Variants in ZZZ3 observed in about 807,000 individuals in gnomAD.
The protein encoded by ZZZ3 is zinc finger ZZ-type containing 3.
In ZZZ3, 22 loss-of-function variants were observed where a neutral mutation model predicts 95.2. The observed-to-expected ratio is 0.23, with a 90% CI of 0.17 to 0.33. The LOEUF (loss-of-function observed/expected upper bound fraction) is 0.33. ZZZ3 is among the 10% of genes least tolerant of loss of function. The probability of loss-of-function intolerance (pLI) is 1.00; values close to 1 mark genes in which losing one functional copy is unlikely to be tolerated. For missense variants in ZZZ3, 885 were observed against 1,066.5 expected, an observed-to-expected ratio of 0.83 and a Z score of 2.37; for synonymous variants, 335 against 358.9, an observed-to-expected ratio of 0.93 and a Z score of 0.75.
intron 6 of ZZZ3, among the ~76,000 whole-genome samples, chr1:77,583,524 T>C (rs2100568484): frequency 6.6e-6 from 1 of 152,270 alleles, no homozygotes; most frequent in African/African-American, 2.4e-5. Context: ...CGATATTCAA[T>C]GTTTTCTAAA....
chr1:77,674,769 T>C (rs1672104891), intron 1 of ZZZ3, among the ~76,000 whole-genome samples: 1 of 151,860 alleles, frequency 6.6e-6, no homozygotes, highest in Admixed American at 6.6e-5. Context: ...CTCCCCAACA[T>C]GGCAAAACCC....
rs186974372 is a variant in ZZZ3, at chr1:77,662,091, G to A, written c.-402-20436C>T. 3.1e-3 allele frequency among the ~76,000 whole-genome samples: 465 copies of A among 151,524 alleles called. 5 individuals are homozygous for A. Among genetic ancestry groups the A allele is most frequent in the African/African-American group, 0.011 (447 of 41,222 alleles). On this transcript the variant is annotated intron_variant, in intron 1 of 14. Transcript: ENST00000370801. ...TACAGTGGCGTGATCTAGGCTCACTGCAACCTCTGCCTCCCAGGTTCAAGC... is the reference window on the plus strand; with the variant it reads ...TACAGTGGCGTGATCTAGGCTCACTACAACCTCTGCCTCCCAGGTTCAAGC...
intron 5 of ZZZ3, among the ~76,000 whole-genome samples, chr1:77,591,756 C>T (rs1454660731): frequency 6.6e-6 from 1 of 152,042 alleles, no homozygotes; most frequent in Non-Finnish European, 1.5e-5. Context: ...GTATAAAGAT[C>T]AACTCTGTAT....
At chr1:77,623,616 C>T (rs1667078245) in intron 5 of ZZZ3, among the ~76,000 whole-genome samples, 2 of 152,022 alleles carry the variant, frequency 1.3e-5, no homozygotes, top group African/African-American at 2.4e-5. Flanking sequence ...AAGTTTATCC[C>T]CAAATTAACT....
At chr1:77,578,926 GT>G in intron 10 of ZZZ3, 57 bp from the exon 11 acceptor site, 2 of 1,133,690 alleles carry the variant, frequency 1.8e-6, no homozygotes, top group Non-Finnish European at 2.4e-6. Flanking sequence ...TACCTGAGTC[GT>G]TTTTAAAAAT....
intron 5 of ZZZ3, among the ~76,000 whole-genome samples, chr1:77,599,500 T>C (rs1003153292): frequency 6.6e-6 from 1 of 152,064 alleles, no homozygotes; most frequent in African/African-American, 2.4e-5. Context: ...CATACAATTC[T>C]TTTCATAATA....
chr1:77,663,987 T>G (rs1671044095), intron 1 of ZZZ3, among the ~76,000 whole-genome samples: 1 of 151,702 alleles, frequency 6.6e-6, no homozygotes, highest in African/African-American at 2.4e-5. Flanking sequence ...TGACCTCAGG[T>G]GATCCGCCCG....
chr1:77,639,491 T>C lies in ZZZ3; in HGVS notation c.-94A>G. ...TATCATTGTGGAAATATAATCTCTT[T>C]TCCTTATATCCTGAAGGAGTTGGAG... On this transcript the variant is annotated 5_prime_UTR_variant, in exon 4 of 15. Transcript: ENST00000370801. The C allele has an allele frequency of 2.7e-6, 4 of 1,507,404 alleles. No individual in the cohort carries two copies. Among genetic ancestry groups the C allele is most frequent in the South Asian group, 1.3e-5 (1 of 74,824 alleles). 93.4% of individuals were successfully genotyped at this position (1,507,404 alleles called of 1,614,324 possible).
intron 5 of ZZZ3, among the ~76,000 whole-genome samples, chr1:77,589,839 G>T (rs1402922414): frequency 1.3e-5 from 2 of 152,136 alleles, no homozygotes; most frequent in African/African-American, 4.8e-5. Flanking sequence ...AGGAAGGCGT[G>T]CAGGAGGGAG....
At chr1:77,618,233 C>CTTTTTTT (rs10597366) in intron 5 of ZZZ3, among the ~76,000 whole-genome samples, 4 of 81,070 alleles carry the variant, frequency 4.9e-5, no homozygotes, top group African/African-American at 2.0e-4. Flanking sequence ...CCAATGCAGC[C>CTTTTTTT]TTTTTTTTTT....
intron 5 of ZZZ3, among the ~76,000 whole-genome samples, chr1:77,628,486 A>C (rs535147165): frequency 6.6e-6 from 1 of 152,338 alleles, no homozygotes; most frequent in East Asian, 1.9e-4. Context: ...GAGAGGCATC[A>C]AGCTAGTACC....
At chr1:77,676,268 G>A (rs1173258108) in intron 1 of ZZZ3, among the ~76,000 whole-genome samples, 1 of 152,158 alleles carries the variant, frequency 6.6e-6, no homozygotes, top group East Asian at 1.9e-4. Context: ...TTGGGGTCAA[G>A]TGATCCTTCC....
At position 77,563,919 on chromosome 1, in the gene ZZZ3, C is replaced by G. The variant is rs1244504752; in HGVS notation, c.*1721G>C. The G allele has an allele frequency of 6.6e-6, 1 of 151,682 alleles. No homozygotes were observed. Among genetic ancestry groups the G allele is most frequent in the Non-Finnish European group, 1.5e-5 (1 of 67,944 alleles). The allele number at this position is 151,682 out of a possible 1,614,324, so 9.4% of individuals were successfully genotyped here. A position where few individuals can be genotyped will look rare whatever the true frequency, so the allele number is the denominator to read the frequency against. ...TTCTCATATTTCTATATTTAAAATT[C>G]TATTACTTTTCTCAATTAAAAAAAA... On this transcript the variant is annotated 3_prime_UTR_variant, in exon 15 of 15. Coordinates refer to ENST00000370801, the MANE Select transcript of ZZZ3 (RefSeq NM_015534.6).
At chr1:77,598,548 A>G (rs116034016) in intron 5 of ZZZ3, among the ~76,000 whole-genome samples, 1,755 of 152,274 alleles carry the variant, frequency 0.012, 20 homozygotes, top group Non-Finnish European at 0.016. Flanking sequence ...GAAAGTATTT[A>G]GTTAAGGTAC....
At chr1:77,619,392 G>T (rs144979186) in intron 5 of ZZZ3, among the ~76,000 whole-genome samples, 1 of 152,182 alleles carries the variant, frequency 6.6e-6, no homozygotes, top group East Asian at 1.9e-4. Context: ...TTTTAACCAA[G>T]AAAGTTGAGT....
chr1:77,569,824 C>T (rs1295560033), intron 12 of ZZZ3, among the ~76,000 whole-genome samples: 3 of 152,126 alleles, frequency 2.0e-5, no homozygotes, highest in Non-Finnish European at 4.4e-5. Context: ...AATCACTATT[C>T]TGCTTCCTAT....
chr1:77,620,313 T>A (rs147847273), intron 5 of ZZZ3, among the ~76,000 whole-genome samples: 27 of 152,302 alleles, frequency 1.8e-4, no homozygotes, highest in African/African-American at 6.3e-4. Flanking sequence ...AATCATGCAA[T>A]GATTCATTTT....
intron 12 of ZZZ3, among the ~76,000 whole-genome samples, chr1:77,574,373 T>C (rs926206421): frequency 1.3e-5 from 2 of 152,012 alleles, no homozygotes; most frequent in Non-Finnish European, 2.9e-5. Flanking sequence ...GATACATATT[T>C]AAGATCGATT....
intron 5 of ZZZ3, among the ~76,000 whole-genome samples, chr1:77,615,290 AAT>A (rs1484595071): frequency 6.6e-6 from 1 of 152,264 alleles, no homozygotes; most frequent in Non-Finnish European, 1.5e-5. Flanking sequence ...GCTTTTTACC[AAT>A]ATGTTTAGAA....
Sources: gnomAD v4.1 joint callset for allele counts (sites outside exome capture counted in the v4.1 genomes callset) on GRCh38, gnomAD v4.1.1 for gene constraint, MANE v1.5 for transcripts, NCBI Gene and HGNC (gene_info 2026-07-23, HGNC 2026-07-21) for gene names.